PIP5K1A: variants seen among roughly 807,000 people sequenced by gnomAD.
PIP5K1A encodes phosphatidylinositol-4-phosphate 5-kinase type 1 alpha.
PIP5K1A carries 46 observed loss-of-function variants against 72.9 expected under a neutral mutation model. The observed-to-expected ratio is 0.63, with a 90% CI of 0.50 to 0.81. PIP5K1A has a LOEUF of 0.81. PIP5K1A is among the 30% of genes least tolerant of loss of function. The pLI, the probability that PIP5K1A is intolerant of heterozygous loss-of-function variation, is 0.00. For synonymous variants in PIP5K1A, 228 were observed against 255.1 expected (o/e 0.89, Z 1.01); for missense variants, 458 against 706.1 (o/e 0.65, Z 3.98).
intron 1 of PIP5K1A, among the ~76,000 whole-genome samples, chr1:151,220,550 C>A (rs1387052896): frequency 6.6e-6 from 1 of 152,038 alleles, no homozygotes; most frequent in Non-Finnish European, 1.5e-5. Flanking sequence ...TTACTGCAAC[C>A]TCTGCTCCCC....
rs1234361552 is a variant in PIP5K1A at position 151,249,240 on chromosome 1, C to G, written c.*1375C>G. On this transcript the variant is annotated 3_prime_UTR_variant, in exon 16 of 16. Transcript: ENST00000368888. ...TATATTAGACACCCCCAGCCAGTTTCTGGCTGCCTGTCTTTGCTGCCATGT... is the reference window on the plus strand; with the variant it reads ...TATATTAGACACCCCCAGCCAGTTTGTGGCTGCCTGTCTTTGCTGCCATGT... The G allele has an allele frequency of 6.6e-6, 1 of 152,128 alleles. No individual in the cohort carries two copies. The highest frequency in any genetic ancestry group is 1.9e-4 in the East Asian group (1 of 5,186). 9.4% of individuals were successfully genotyped at this position (152,128 alleles called of 1,614,324 possible).
rs770099445 is a variant in PIP5K1A at position 151,231,821 on chromosome 1, G to A, written c.368+20G>A. 3.7e-6 allele frequency: 6 copies of A among 1,613,004 alleles called. No homozygotes were observed. The African/African-American group carries it at 8.0e-5, about 22-fold the overall frequency. On this transcript the variant is annotated intron_variant, in intron 5 of 15. Transcript: ENST00000368888. Reference sequence around the variant, plus strand: ...TCCCAGGTACAGAGTTTAATGTTCAGGAGCATGTCCTGGAAATGTGGCCTT... The same window carrying A: ...TCCCAGGTACAGAGTTTAATGTTCAAGAGCATGTCCTGGAAATGTGGCCTT...
chr1:151,198,411 C>T (rs1347183861), upstream of PIP5K1A: 2 of 262,844 alleles, frequency 7.6e-6, no homozygotes, highest in African/African-American at 4.6e-5. Flanking sequence ...CGCGCGCGCA[C>T]ATCTTCCACC....
At position 151,235,151 on chromosome 1, in the gene PIP5K1A, C is replaced by T. The variant is rs587654483; in HGVS notation, c.939+655C>T. ...AGGCTGGAGTGCAATGGCACGATCT[C>T]GGCTCACTGCAATTTCCACCTCCCA... is the stretch of plus-strand genomic sequence containing the variant. On this transcript the variant is annotated intron_variant, in intron 8 of 15. Coordinates refer to ENST00000368888, the MANE Select transcript of PIP5K1A (RefSeq NM_001135638.2). Among the ~76,000 whole-genome samples, 672 of 152,272 alleles carry T rather than the reference C, an allele frequency of 4.4e-3. 6 individuals are homozygous for T. The highest frequency in any genetic ancestry group is 0.014 in the Middle Eastern group (4 of 294).
intron 12 of PIP5K1A, among the ~76,000 whole-genome samples, chr1:151,240,735 C>T (rs1691560814): frequency 6.6e-6 from 1 of 152,082 alleles, no homozygotes; most frequent in Admixed American, 6.5e-5. Context: ...TGGAACCAGC[C>T]TGGGCAACAT....
chr1:151,234,450 C>T lies in PIP5K1A; in HGVS notation c.893C>T (p.Ala298Val). The T allele has an allele frequency of 6.2e-7, 1 of 1,613,964 alleles. No individual in the cohort carries two copies. The highest frequency in any genetic ancestry group is 8.5e-7 in the Non-Finnish European group (1 of 1,179,862). ...QDIPDGLFLD[A>V]DMYNALCKTL... ...ATCCCTGATGGTCTTTTTTTGGATG[C>T]TGACATGTACAACGCTCTCTGTAAG... Residue 298 changes from alanine (A) to valine (V), a missense_variant, in exon 8 of 16, where the codon GCT (alanine) becomes GTT (valine). Physicochemically the swap from Ala to Val is moderately conservative, Grantham distance 64. Around this residue, in one of 3 missense-constraint regions of PIP5K1A, gnomAD observed 220 missense variants for 442.6 expected, o/e 0.50. Coordinates refer to ENST00000368888, the MANE Select transcript of PIP5K1A (RefSeq NM_001135638.2).
At chr1:151,216,745 G>A (rs1687686892) in intron 1 of PIP5K1A, among the ~76,000 whole-genome samples, 1 of 152,054 alleles carries the variant, frequency 6.6e-6, no homozygotes, top group African/African-American at 2.4e-5. Context: ...ATTAAGTAGA[G>A]CATTTATTAT....
Position 151,203,529 on chromosome 1 carries a change from CAA to C in PIP5K1A, c.85+4461_85+4462del, listed in dbSNP as rs779807830. On this transcript the variant is annotated intron_variant, in intron 1 of 15. Transcript: ENST00000368888. ...GGGGGACAAGAGTGAAACTCCATCTCAAAAAAAAAAAAAAGGCCAGGAGCAGT... is the reference window on the plus strand; with the variant it reads ...GGGGGACAAGAGTGAAACTCCATCTCAAAAAAAAAAAAGGCCAGGAGCAGT... Among the ~76,000 whole-genome samples the C allele has an allele frequency of 7.3e-3, 664 of 91,492 alleles. 6 individuals are homozygous for C. The highest frequency in any genetic ancestry group is 0.034 in the Middle Eastern group (4 of 118). 60.0% of individuals were successfully genotyped at this position (91,492 alleles called of 152,430 possible).
intron 7 of PIP5K1A, chr1:151,233,504 A>T (rs1019975667): frequency 4.6e-5 from 7 of 152,160 alleles, no homozygotes; most frequent in Admixed American, 2.6e-4. Context: ...GAGTTTCACC[A>T]TGTTGGTCAG....
At chr1:151,231,638 A>G (rs776834140) in intron 4 of PIP5K1A, 33 bp from the exon 5 acceptor site, 1 of 1,605,674 alleles carries the variant, frequency 6.2e-7, no homozygotes, top group South Asian at 1.1e-5. Context: ...TACTTATACT[A>G]GGAATTTTCT....
intron 1 of PIP5K1A, among the ~76,000 whole-genome samples, chr1:151,208,269 C>A (rs1039495568): frequency 1.3e-5 from 2 of 152,034 alleles, no homozygotes; most frequent in African/African-American, 4.8e-5. Context: ...CCTTGCACTT[C>A]TGACTGTTTC....
At chr1:151,202,534 G>A (rs936343352) in intron 1 of PIP5K1A, among the ~76,000 whole-genome samples, 1 of 152,126 alleles carries the variant, frequency 6.6e-6, no homozygotes, top group East Asian at 1.9e-4. Context: ...GTGCAGTGGG[G>A]TGATCTTGGC....
intron 1 of PIP5K1A, among the ~76,000 whole-genome samples, chr1:151,219,885 C>G (rs1306547105): frequency 8.5e-6 from 1 of 117,388 alleles, no homozygotes; most frequent in Non-Finnish European, 1.7e-5. Flanking sequence ...GAGATGGGGT[C>G]TCCCTATGTT....
intron 1 of PIP5K1A, among the ~76,000 whole-genome samples, chr1:151,200,972 G>T (rs1685142652): frequency 6.6e-6 from 1 of 152,068 alleles, no homozygotes; most frequent in Non-Finnish European, 1.5e-5. Context: ...TGGGACTACA[G>T]GCGCCCACCA....
At chr1:151,224,185 T>A in intron 1 of PIP5K1A, 60 bp from the exon 2 acceptor site, 1 of 1,442,936 alleles carries the variant, frequency 6.9e-7, no homozygotes, top group Non-Finnish European at 9.8e-7. Flanking sequence ...GGTTTCAGTA[T>A]GCTTGACAGA....
intron 1 of PIP5K1A, among the ~76,000 whole-genome samples, chr1:151,206,380 C>T (rs587724981): frequency 5.8e-4 from 88 of 152,144 alleles, no homozygotes; most frequent in African/African-American, 2.0e-3. Flanking sequence ...ACCTTGTATA[C>T]TTAACTGAGC....
At chr1:151,215,427 T>C (rs1013206393) in intron 1 of PIP5K1A, among the ~76,000 whole-genome samples, 4 of 150,428 alleles carry the variant, frequency 2.7e-5, no homozygotes, top group African/African-American at 9.8e-5. Flanking sequence ...GCCTCCTGGG[T>C]TCAAGCGATT....
At chr1:151,213,117 C>A (rs1303347105) in intron 1 of PIP5K1A, among the ~76,000 whole-genome samples, 1 of 152,006 alleles carries the variant, frequency 6.6e-6, no homozygotes, top group Non-Finnish European at 1.5e-5. Flanking sequence ...TGGTCTCGAT[C>A]TGACCTTGTG....
At chr1:151,201,473 C>T (rs1685206285) in intron 1 of PIP5K1A, among the ~76,000 whole-genome samples, 1 of 151,922 alleles carries the variant, frequency 6.6e-6, no homozygotes, top group South Asian at 2.1e-4. Context: ...ACTCAGTCTC[C>T]CAAGTAGCTG....
Sources: gnomAD v4.1 joint callset for allele counts (sites outside exome capture counted in the v4.1 genomes callset) on GRCh38, gnomAD v4.1.1 for gene constraint, gnomAD v4.1.1 regional missense constraint, MANE v1.5 for transcripts, NCBI Gene and HGNC (gene_info 2026-07-23, HGNC 2026-07-21) for gene names.